Variants in VPS50 observed in about 807,000 individuals in gnomAD.
VPS50 encodes syndetin.
A neutral mutation model predicts 139.7 loss-of-function variants in VPS50; 70 were observed. The ratio of observed to expected loss-of-function variants is 0.50; its 90% CI spans 0.41 to 0.61. The LOEUF (loss-of-function observed/expected upper bound fraction) is 0.61, where lower values mean the gene tolerates loss of function less well. VPS50 is among the 20% of genes least tolerant of loss of function. The pLI is 0.00. For missense variants in VPS50, 921 were observed against 1,133.7 expected (o/e 0.81, Z 2.69); for synonymous variants, 365 against 376.7 (o/e 0.97, Z 0.36).
chr7:93,269,951 A>G (rs1795955352), intron 9 of VPS50, among the ~76,000 whole-genome samples: 1 of 151,744 alleles, frequency 6.6e-6, no homozygotes, highest in Non-Finnish European at 1.5e-5. Context: ...AATTTTAAAA[A>G]CCTTTGATTT....
chr7:93,268,645 A>T (rs1332179183), intron 9 of VPS50, among the ~76,000 whole-genome samples: 1 of 152,152 alleles, frequency 6.6e-6, no homozygotes, highest in Non-Finnish European at 1.5e-5. Flanking sequence ...TGTCCCTGCA[A>T]AGGACATGAT....
At chr7:93,274,600 T>C (rs1350619365) in intron 11 of VPS50, among the ~76,000 whole-genome samples, 27 of 152,120 alleles carry the variant, frequency 1.8e-4, no homozygotes, top group Admixed American at 1.8e-3. Flanking sequence ...TAGTCCCCCA[T>C]GACTTTGATG....
Position 93,349,949 on chromosome 7 carries a change from G to C in VPS50, c.2379G>C (p.Gln793His). 4 of 1,612,980 alleles carry C rather than the reference G, an allele frequency of 2.5e-6. No individual in the cohort carries two copies. The highest frequency in any genetic ancestry group is 1.7e-5 in the Admixed American group (1 of 59,994). ...IVAGKALDYE[Q>H]MLLLMANVKW... ...CTGGTAAAGCCCTTGATTATGAACAGATGCTGCTTCTCATGGCTAATGTGA... is the reference window on the plus strand; with the variant it reads ...CTGGTAAAGCCCTTGATTATGAACACATGCTGCTTCTCATGGCTAATGTGA... Residue 793 changes from glutamine to histidine, a missense_variant, in exon 25 of 28, where the codon CAG (glutamine) becomes CAC (histidine). Physicochemically the swap from Gln to His is conservative, Grantham distance 24 (BLOSUM62 0). This residue lies in a region of VPS50 where 744 missense variants were observed against 930.6 expected (regional missense o/e 0.80). Coordinates refer to ENST00000305866, the MANE Select transcript of VPS50 (RefSeq NM_017667.4).
intron 20 of VPS50, among the ~76,000 whole-genome samples, chr7:93,318,491 A>G (rs536910177): frequency 8.3e-4 from 126 of 152,226 alleles, no homozygotes; most frequent in Non-Finnish European, 1.6e-3. Context: ...TATGCCATTT[A>G]TATTCATTGA....
rs1584396268 is a variant in VPS50 at position 93,258,289 on chromosome 7, C to T, written c.540+13C>T. 7.0e-6 allele frequency: 11 copies of T among 1,568,052 alleles called. No homozygotes were observed. The highest frequency in any genetic ancestry group is 9.7e-6 in the Non-Finnish European group (11 of 1,139,148). ...TATAAAAACATTGGTATATATGGGT[C>T]ATTTAAAAAAATTAAAACTGAATTT... On this transcript the variant is annotated intron_variant, in intron 7 of 27. Transcript: ENST00000305866.
intron 9 of VPS50, among the ~76,000 whole-genome samples, chr7:93,270,641 A>G (rs1416112265): frequency 6.6e-6 from 1 of 151,936 alleles, no homozygotes; most frequent in Non-Finnish European, 1.5e-5. Flanking sequence ...TTCAGTAGAT[A>G]TTAGGGTTTT....
intron 20 of VPS50, among the ~76,000 whole-genome samples, chr7:93,322,483 C>G (rs1454861774): frequency 6.6e-6 from 1 of 150,884 alleles, no homozygotes; most frequent in Non-Finnish European, 1.5e-5. Flanking sequence ...GCCTGTAGTC[C>G]CAGCTACTCG....
chr7:93,300,407 A>G (rs1584444048), intron 16 of VPS50, among the ~76,000 whole-genome samples: 1 of 152,154 alleles, frequency 6.6e-6, no homozygotes, highest in African/African-American at 2.4e-5. Context: ...AAGGAAAATG[A>G]CAGACTAGTC....
At chr7:93,343,102 G>A (rs1357739805) in intron 23 of VPS50, among the ~76,000 whole-genome samples, 2 of 152,190 alleles carry the variant, frequency 1.3e-5, no homozygotes, top group East Asian at 3.9e-4. Context: ...TTAGACGAAT[G>A]TATAAGTAGA....
chr7:93,358,546 C>A lies in VPS50; in HGVS notation c.*110C>A. 1 of 905,818 alleles carries A rather than the reference C, an allele frequency of 1.1e-6. No homozygotes were observed. The highest frequency in any genetic ancestry group is 1.7e-6 in the Non-Finnish European group (1 of 585,616). The allele number at this position is 905,818 out of a possible 1,614,324, so 56.1% of individuals were successfully genotyped here. ...AACTATCTGCTAAGAAAACTTTGTG[C>A]ATGTTTTTTTGACTGGAAAGTGGAA... On this transcript the variant is annotated 3_prime_UTR_variant, in exon 28 of 28. Transcript: ENST00000305866.
chr7:93,342,710 C>A (rs933506948), intron 23 of VPS50, among the ~76,000 whole-genome samples: 25 of 152,216 alleles, frequency 1.6e-4, no homozygotes, highest in Non-Finnish European at 2.9e-4. Flanking sequence ...AGGCACCCCC[C>A]AGCAGGGGCA....
intron 20 of VPS50, among the ~76,000 whole-genome samples, chr7:93,322,291 C>A (rs1310655406): frequency 1.3e-5 from 2 of 152,136 alleles, no homozygotes; most frequent in African/African-American, 4.8e-5. Flanking sequence ...TGTTTTGAGT[C>A]ATGATGTCTT....
At chr7:93,302,762 A>G (rs1269019654) in intron 16 of VPS50, among the ~76,000 whole-genome samples, 5 of 152,076 alleles carry the variant, frequency 3.3e-5, no homozygotes, top group African/African-American at 4.8e-5. Flanking sequence ...GAGGAAGAAC[A>G]GGGTAGGCAC....
At chr7:93,242,930 A>G (rs1400312521) in intron 2 of VPS50, among the ~76,000 whole-genome samples, 1 of 151,976 alleles carries the variant, frequency 6.6e-6, no homozygotes, top group Non-Finnish European at 1.5e-5. Context: ...TCAACTTGCT[A>G]GAAAAAGGAG....
At chr7:93,246,100 A>G in intron 2 of VPS50, 1 of 1,513,364 alleles carries the variant, frequency 6.6e-7, no homozygotes, top group Non-Finnish European at 8.8e-7. Context: ...TTTTGCTTTC[A>G]GTTAGAGCCC....
chr7:93,344,210 A>G (rs1018591151), intron 23 of VPS50, among the ~76,000 whole-genome samples: 4 of 152,212 alleles, frequency 2.6e-5, no homozygotes, highest in African/African-American at 9.6e-5. Flanking sequence ...CTTTAAACCA[A>G]CAAAGATCAA....
intron 20 of VPS50, among the ~76,000 whole-genome samples, chr7:93,314,791 C>T (rs1039584555): frequency 6.6e-6 from 1 of 151,910 alleles, no homozygotes; most frequent in African/African-American, 2.4e-5. Context: ...GTGGAGAGAA[C>T]ACAGGCATGG....
At chr7:93,309,903 A>G (rs1248869446) in intron 19 of VPS50, among the ~76,000 whole-genome samples, 1 of 151,958 alleles carries the variant, frequency 6.6e-6, no homozygotes, top group Non-Finnish European at 1.5e-5. Context: ...GTTTAACCCT[A>G]AGCTACCTAT....
chr7:93,331,403 C>G (rs1028846262), intron 21 of VPS50, among the ~76,000 whole-genome samples: 2 of 151,962 alleles, frequency 1.3e-5, no homozygotes, highest in Non-Finnish European at 2.9e-5. Flanking sequence ...GTGGTACTGG[C>G]CTAACGGTAG....
Sources: allele counts gnomAD v4.1 joint callset (sites outside exome capture counted in the v4.1 genomes callset), GRCh38; gene constraint gnomAD v4.1.1; regional missense constraint gnomAD v4.1.1; transcripts MANE v1.5; gene names NCBI Gene and HGNC (gene_info 2026-07-23, HGNC 2026-07-21).